Variants in MFN1 observed in about 807,000 individuals in gnomAD.
MFN1 encodes mitofusin 1, also known as mitofusin-1.
MFN1 carries 65 observed loss-of-function variants against 92.4 expected under a neutral mutation model. The ratio of observed to expected loss-of-function variants is 0.70; its 90% CI spans 0.58 to 0.86. The LOEUF (loss-of-function observed/expected upper bound fraction) is 0.86. Among genes scored for constraint, MFN1 ranks in the 40% least tolerant of loss-of-function variants. MFN1 has a pLI of 0.00. For synonymous variants in MFN1, 297 were observed against 300.9 expected (o/e 0.99, Z 0.13); for missense variants, 781 against 868.0 (o/e 0.90, Z 1.26).
chr3:179,363,750 A>G (rs1486235237), intron 5 of MFN1, among the ~76,000 whole-genome samples: 2 of 152,058 alleles, frequency 1.3e-5, no homozygotes, highest in African/African-American at 2.4e-5. Flanking sequence ...TGGCATCCCA[A>G]AATGCTAGGA....
intron 9 of MFN1, among the ~76,000 whole-genome samples, chr3:179,370,065 A>C (rs1183355996): frequency 6.6e-6 from 1 of 152,158 alleles, no homozygotes; most frequent in Non-Finnish European, 1.5e-5. Flanking sequence ...GAGACAAAAC[A>C]TTTTTTGTTA....
intron 7 of MFN1, among the ~76,000 whole-genome samples, chr3:179,367,197 A>G (rs1196843841): frequency 6.6e-6 from 1 of 152,252 alleles, no homozygotes; most frequent in Non-Finnish European, 1.5e-5. Flanking sequence ...AAGTGCTGGG[A>G]TTGCAGGCGT....
Position 179,378,401 on chromosome 3 carries a change from G to C in MFN1, c.1390G>C (p.Glu464Gln). 3 of 1,607,174 alleles carry C rather than the reference G, an allele frequency of 1.9e-6. No homozygotes were observed. Among genetic ancestry groups the C allele is most frequent in the Non-Finnish European group, 2.5e-6 (3 of 1,178,298 alleles). Residue 464 changes from glutamate to glutamine, a missense_variant, in exon 13 of 18, where the codon GAA (glutamate) becomes CAA (glutamine). Physicochemically the swap from Glu to Gln is conservative, Grantham distance 29 (BLOSUM62 2). Transcript: ENST00000471841. ...AAATTTGGCTGATCGATGCACCGAT[G>C]AAGTAAACGCCTTAGTGCTTCAGAC... ...GRNLADRCTD[E>Q]VNALVLQTQQ...
At chr3:179,358,145 A>AT (rs1287189333) in intron 3 of MFN1, among the ~76,000 whole-genome samples, 33 of 91,634 alleles carry the variant, frequency 3.6e-4, no homozygotes, top group African/African-American at 1.0e-3. Context: ...AGTGTCACTC[A>AT]TTTTGTTTTT....
At chr3:179,377,654 C>T (rs941426128) in intron 12 of MFN1, among the ~76,000 whole-genome samples, 3 of 152,100 alleles carry the variant, frequency 2.0e-5, no homozygotes, top group Non-Finnish European at 4.4e-5. Flanking sequence ...CATTTTAGGA[C>T]GAGGCACAGT....
intron 7 of MFN1, 100 bp from the exon 8 acceptor site, chr3:179,367,336 CTTT>C: frequency 1.0e-6 from 1 of 958,036 alleles, no homozygotes; most frequent in Non-Finnish European, 1.5e-6. Context: ...TATATGGTAA[CTTT>C]TATTATATCA....
At chr3:179,348,785 T>TTCATGATAGA in intron 1 of MFN1, 60 bp from the exon 2 acceptor site, 1 of 1,571,376 alleles carries the variant, frequency 6.4e-7, no homozygotes, top group Non-Finnish European at 8.7e-7. Context: ...TGGTGTGTCA[T>TTCATGATAGA]CAGTTTGCAT....
At chr3:179,373,534 A>T (rs1172760375) in intron 9 of MFN1, among the ~76,000 whole-genome samples, 2 of 152,190 alleles carry the variant, frequency 1.3e-5, no homozygotes, top group Middle Eastern at 3.2e-3. Context: ...CCTAATTTTT[A>T]AAAAATTTAT....
chr3:179,387,979 G>T (rs377419667), intron 16 of MFN1, among the ~76,000 whole-genome samples: 1 of 151,600 alleles, frequency 6.6e-6, no homozygotes, highest in Non-Finnish European at 1.5e-5. Flanking sequence ...TGATCCACTC[G>T]CCTCGGCCTC....
Position 179,377,105 on chromosome 3 carries a change from G to A in MFN1, c.1161G>A (p.Met387Ile). ...IDRLDFIRNQ[M>I]NLLTLDVKKK... The stretch of plus-strand genomic sequence containing the variant: ...GACTGGACTTTATTCGAAACCAGAT[G>A]AACCTTTTAACACTGGATGTTAAGA... The change falls in exon 11 of 18, where the codon ATG (methionine) becomes ATA (isoleucine). Residue 387 changes from methionine (M) to isoleucine (I), a missense_variant. By Grantham distance (10) the Met-to-Ile change is conservative. Coordinates refer to ENST00000471841, the MANE Select transcript of MFN1 (RefSeq NM_033540.3). 2 of 1,613,790 alleles carry A rather than the reference G, an allele frequency of 1.2e-6. No individual in the cohort carries two copies. The highest frequency in any genetic ancestry group is 1.7e-6 in the Non-Finnish European group (2 of 1,179,874).
At chr3:179,390,260 T>G (rs1006833719) in intron 17 of MFN1, 122 bp downstream of exon 17, 1 of 882,484 alleles carries the variant, frequency 1.1e-6, no homozygotes, top group Admixed American at 4.2e-5. Flanking sequence ...AATGAAAATC[T>G]TCCATATTTA....
At chr3:179,389,245 A>T (rs189480734) in intron 16 of MFN1, among the ~76,000 whole-genome samples, 116 of 152,284 alleles carry the variant, frequency 7.6e-4, no homozygotes, top group Admixed American at 3.1e-3. Context: ...AGATACTTGG[A>T]CATCCAAAGA....
At chr3:179,360,928 A>G (rs898630146) in intron 4 of MFN1, among the ~76,000 whole-genome samples, 4 of 152,184 alleles carry the variant, frequency 2.6e-5, no homozygotes, top group Non-Finnish European at 5.9e-5. Context: ...GCTTGAGACC[A>G]GCCTGAGCAA....
intron 5 of MFN1, among the ~76,000 whole-genome samples, chr3:179,363,754 G>A (rs1712674158): frequency 6.6e-6 from 1 of 152,016 alleles, no homozygotes; most frequent in Non-Finnish European, 1.5e-5. Context: ...ATCCCAAAAT[G>A]CTAGGATTAT....
In MFN1 at chr3:179,348,634, G is replaced by A. The variant is rs1037529168; in HGVS notation, c.-7-211G>A. On this transcript the variant is annotated intron_variant, in intron 1 of 17. Transcript: ENST00000471841. Reference sequence around the variant, plus strand: ...GAGTAGAAATTGCAACCAAGATTTTGGCTAATAGATTTCACTTATTTTAGT... The same window carrying A: ...GAGTAGAAATTGCAACCAAGATTTTAGCTAATAGATTTCACTTATTTTAGT... 45 of 577,548 alleles carry A rather than the reference G, an allele frequency of 7.8e-5. No homozygotes were observed. In the African/African-American group the frequency reaches 8.2e-4, roughly 11 times the overall value. The allele number at this position is 577,548 out of a possible 1,614,324, so 35.8% of individuals were successfully genotyped here.
intron 5 of MFN1, 38 bp from the exon 6 acceptor site, chr3:179,364,259 T>C (rs561644884): frequency 1.4e-6 from 2 of 1,419,590 alleles, no homozygotes; most frequent in African/African-American, 3.0e-5. Context: ...ATTTTCTTTT[T>C]AAGAAATATA....
rs767431021 is a variant in MFN1, at chr3:179,378,535, TA to T, written c.1433-46del. 11 of 1,549,982 alleles carry T rather than the reference TA, an allele frequency of 7.1e-6. No homozygotes were observed. In the African/African-American group the frequency reaches 1.5e-4, roughly 21 times the overall value. Reference sequence around the variant, plus strand: ...TTTCCTTTAGGCATTCCATTGAAGGTAAAACATTTACCATTCTTATCTTAAG... The same window carrying T: ...TTTCCTTTAGGCATTCCATTGAAGGTAAACATTTACCATTCTTATCTTAAG... On this transcript the variant is annotated intron_variant, in intron 13 of 17. Coordinates refer to ENST00000471841, the MANE Select transcript of MFN1 (RefSeq NM_033540.3).
chr3:179,357,089 A>G (rs115196768), intron 3 of MFN1, among the ~76,000 whole-genome samples: 1,641 of 152,278 alleles, frequency 0.011, 36 homozygotes, highest in African/African-American at 0.038. Context: ...GATCCATATC[A>G]TTCCTCTGTG....
chr3:179,387,210 C>T (rs1324555560), intron 16 of MFN1, among the ~76,000 whole-genome samples: 1 of 152,108 alleles, frequency 6.6e-6, no homozygotes, highest in Non-Finnish European at 1.5e-5. Flanking sequence ...AGGCATGAGC[C>T]ACCATGCCCA....
Sources: gnomAD v4.1 joint callset for allele counts (sites outside exome capture counted in the v4.1 genomes callset) on GRCh38, gnomAD v4.1.1 for gene constraint, MANE v1.5 for transcripts, NCBI Gene and HGNC (gene_info 2026-07-23, HGNC 2026-07-21) for gene names.